PHOSPHO2: variants seen among roughly 807,000 people sequenced by gnomAD.
The protein encoded by PHOSPHO2 is phosphatase, orphan 2.
PHOSPHO2 carries 14 observed loss-of-function variants against 16.4 expected under a neutral mutation model. That is an observed-to-expected ratio of 0.85 (90% CI 0.56 to 1.33). The LOEUF is 1.33. PHOSPHO2 is among the 40% of genes most tolerant of loss of function. The pLI is 0.00. For missense variants in PHOSPHO2, 246 were observed against 282.5 expected, an observed-to-expected ratio of 0.87 and a Z score of 0.93; for synonymous variants, 85 against 90.5, an observed-to-expected ratio of 0.94 and a Z score of 0.34.
chr2:169,698,455 C>T (rs1306285825), intron 3 of PHOSPHO2, among the ~76,000 whole-genome samples: 1 of 152,136 alleles, frequency 6.6e-6, no homozygotes, highest in African/African-American at 2.4e-5. Flanking sequence ...CTAACCACTT[C>T]AAGATCCAGC....
rs1379001611 is a variant in PHOSPHO2, at chr2:169,701,392, A to C, written c.421A>C (p.Thr141Pro). The C allele has an allele frequency of 1.9e-6, 3 of 1,613,634 alleles. No homozygotes were observed. In the South Asian group the frequency reaches 3.3e-5, roughly 18 times the overall value. The stretch of plus-strand genomic sequence containing the variant: ...TCATCTCACTGTTGAAAATTATCAT[A>C]CTCATTCTTGCAATAGATGCCCAAA... Reference protein sequence around the residue: ...NGHLTVENYHTHSCNRCPKNL... With the variant: ...NGHLTVENYHPHSCNRCPKNL... Residue 141 changes from threonine (T) to proline (P), a missense_variant, in exon 4 of 4, where the codon ACT (threonine) becomes CCT (proline). Thr to Pro is a conservative substitution (Grantham distance 38). Transcript: ENST00000359744.
At chr2:169,699,834 C>G (rs1349968408) in intron 3 of PHOSPHO2, among the ~76,000 whole-genome samples, 1 of 151,820 alleles carries the variant, frequency 6.6e-6, no homozygotes, top group East Asian at 1.9e-4. Context: ...GTCTTCTTTC[C>G]AGAATTGTCT....
At chr2:169,698,317 T>G (rs186721961) in intron 3 of PHOSPHO2, 23 of 152,286 alleles carry the variant, frequency 1.5e-4, no homozygotes, top group African/African-American at 5.3e-4. Flanking sequence ...ACCTACTTAG[T>G]GTTATATTTT....
At position 169,694,509 on chromosome 2, in the gene PHOSPHO2, T is replaced by G; in HGVS notation, c.-344T>G. ...GCTAGAGAAGAGAGGCGCCTGCGCT[T>G]GCGAGCTGGGCTTGTGAGTGGGGCT... On this transcript the variant is annotated 5_prime_UTR_variant, in exon 1 of 4. Coordinates refer to ENST00000359744, the MANE Select transcript of PHOSPHO2 (RefSeq NM_001008489.4). The G allele has an allele frequency of 1.5e-6, 1 of 660,618 alleles. No individual in the cohort carries two copies. Among genetic ancestry groups the G allele is most frequent in the Non-Finnish European group, 2.7e-6 (1 of 368,456 alleles). The allele number at this position is 660,618 out of a possible 1,614,324, so 40.9% of individuals were successfully genotyped here. A position where few individuals can be genotyped will look rare whatever the true frequency, so the allele number is the denominator to read the frequency against.
chr2:169,700,267 T>G lies in PHOSPHO2; in HGVS notation c.-26-679T>G, dbSNP rs145092021. On this transcript the variant is annotated intron_variant, in intron 3 of 3. Coordinates refer to ENST00000359744, the MANE Select transcript of PHOSPHO2 (RefSeq NM_001008489.4). Reference sequence around the variant, plus strand: ...CATCTTTGTCATGAAACCTTTGCCTTTGCTGTGTCCTGAATTGTATTGCCT... The same window carrying G: ...CATCTTTGTCATGAAACCTTTGCCTGTGCTGTGTCCTGAATTGTATTGCCT... 1.0e-3 allele frequency among the ~76,000 whole-genome samples: 152 copies of G among 152,302 alleles called. No individual in the cohort carries two copies. The Middle Eastern group carries it at 0.01, about 10-fold the overall frequency.
chr2:169,697,749 T>A (rs553238895), intron 3 of PHOSPHO2: 25 of 152,368 alleles, frequency 1.6e-4, no homozygotes, highest in African/African-American at 5.5e-4. Flanking sequence ...ATTTGAAATT[T>A]GTTTTAATTA....
chr2:169,699,709 A>G (rs923545913), intron 3 of PHOSPHO2, among the ~76,000 whole-genome samples: 4 of 152,126 alleles, frequency 2.6e-5, no homozygotes, highest in African/African-American at 7.2e-5. Flanking sequence ...TGGCTTTTTA[A>G]TAATAGCCAT....
chr2:169,700,356 T>G (rs890941048), intron 3 of PHOSPHO2, among the ~76,000 whole-genome samples: 1 of 150,804 alleles, frequency 6.6e-6, no homozygotes, highest in Non-Finnish European at 1.5e-5. Flanking sequence ...CCACCTTGAG[T>G]TGATTTTTGT....
intron 3 of PHOSPHO2, 95 bp downstream of exon 3, chr2:169,697,626 G>C (rs986166183): frequency 6.6e-6 from 1 of 152,166 alleles, no homozygotes; most frequent in African/African-American, 2.4e-5. Context: ...ATCAGCAGGG[G>C]AACTATGTTA....
intron 3 of PHOSPHO2, among the ~76,000 whole-genome samples, 177 bp downstream of exon 3, chr2:169,697,708 T>C (rs1407436429): frequency 6.6e-6 from 1 of 152,232 alleles, no homozygotes; most frequent in Non-Finnish European, 1.5e-5. Context: ...AAGTTTAGGT[T>C]TGAGGCAGTT....
chr2:169,699,277 T>C (rs1230224442), intron 3 of PHOSPHO2, among the ~76,000 whole-genome samples: 3 of 146,594 alleles, frequency 2.0e-5, no homozygotes, highest in Non-Finnish European at 4.6e-5. Flanking sequence ...TTGGTTTTTC[T>C]TGTTGTTGTT....
intron 3 of PHOSPHO2, 21 bp from the exon 4 acceptor site, chr2:169,700,925 A>G: frequency 6.5e-7 from 1 of 1,527,430 alleles, no homozygotes; most frequent in Non-Finnish European, 8.7e-7. Flanking sequence ...TGTTTAGGGA[A>G]TAATATTTCT....
intron 3 of PHOSPHO2, among the ~76,000 whole-genome samples, chr2:169,698,956 T>C (rs1687647610): frequency 2.0e-5 from 3 of 152,242 alleles, no homozygotes; most frequent in Admixed American, 2.0e-4. Context: ...TCAGCAATCA[T>C]TTACTTATAA....
chr2:169,698,449 C>T (rs1030466816), intron 3 of PHOSPHO2: 9 of 152,086 alleles, frequency 5.9e-5, no homozygotes, highest in Non-Finnish European at 1.3e-4. Flanking sequence ...TAACACCTAA[C>T]CACTTCAAGA....
chr2:169,701,052 C>A lies in PHOSPHO2; in HGVS notation c.81C>A (p.Pro27=). ...NSDTWIVQCA[P]NKKLPIELRD... Reference sequence around the variant, plus strand: ...ACACTTGGATTGTACAATGTGCTCCCAACAAAAAGCTTCCTATTGAACTAC... The same window carrying A: ...ACACTTGGATTGTACAATGTGCTCCAAACAAAAAGCTTCCTATTGAACTAC... The change falls in exon 4 of 4, where the codon CCC becomes CCA. Residue 27 remains proline, a synonymous_variant. Coordinates refer to ENST00000359744, the MANE Select transcript of PHOSPHO2 (RefSeq NM_001008489.4). 1 of 1,613,722 alleles carries A rather than the reference C, an allele frequency of 6.2e-7. No homozygotes were observed. The highest frequency in any genetic ancestry group is 8.5e-7 in the Non-Finnish European group (1 of 1,179,936).
At chr2:169,699,848 T>G (rs114860240) in intron 3 of PHOSPHO2, among the ~76,000 whole-genome samples, 368 of 152,304 alleles carry the variant, frequency 2.4e-3, no homozygotes, top group Non-Finnish European at 3.9e-3. Flanking sequence ...ATTGTCTGTT[T>G]GTGTCTTTGC....
At chr2:169,694,793 C>T (rs2105586563) in intron 1 of PHOSPHO2, 171 bp downstream of exon 1, 1 of 232,742 alleles carries the variant, frequency 4.3e-6, no homozygotes, top group Non-Finnish European at 8.8e-6. Context: ...CAGATCTCCT[C>T]GCGGGTGGAG....
intron 2 of PHOSPHO2, among the ~76,000 whole-genome samples, chr2:169,696,473 T>C (rs1358060999): frequency 1.3e-5 from 2 of 152,260 alleles, no homozygotes; most frequent in East Asian, 3.8e-4. Context: ...ATCTTGGCTT[T>C]TACTGGCTGG....
chr2:169,699,790 C>G (rs1687680268), intron 3 of PHOSPHO2, among the ~76,000 whole-genome samples: 1 of 151,838 alleles, frequency 6.6e-6, no homozygotes, highest in Non-Finnish European at 1.5e-5. Flanking sequence ...TGATGTTGAG[C>G]TTTTTTTTCA....
Sources: allele counts gnomAD v4.1 joint callset (sites outside exome capture counted in the v4.1 genomes callset), GRCh38; gene constraint gnomAD v4.1.1; transcripts MANE v1.5; gene names NCBI Gene and HGNC (gene_info 2026-07-23, HGNC 2026-07-21).